The following CELF2 variants were observed in gnomAD, a reference collection of about 807,000 sequenced individuals.
CELF2 encodes CUG triplet repeat RNA-binding protein 2.
In CELF2, 8 loss-of-function variants were observed where a neutral mutation model predicts 62.6. The observed-to-expected ratio is 0.13, with a 90% CI of 0.07 to 0.23. The LOEUF (loss-of-function observed/expected upper bound fraction) is 0.23, where lower values mean the gene tolerates loss of function less well. CELF2 is among the 10% of genes least tolerant of loss of function. CELF2 has a pLI of 1.00. For synonymous variants in CELF2, 258 were observed against 250.0 expected, an observed-to-expected ratio of 1.03 and a Z score of -0.30; for missense variants, 333 against 671.0, an observed-to-expected ratio of 0.50 and a Z score of 5.56.
intron 2 of CELF2, among the ~76,000 whole-genome samples, chr10:10,921,338 C>T (rs373525135): frequency 5.1e-4 from 77 of 151,468 alleles, no homozygotes; most frequent in African/African-American, 1.7e-3. Flanking sequence ...GGCACGATCT[C>T]GGCTCACTGC....
chr10:10,796,605 A>C (rs1463181893), upstream of CELF2, among the ~76,000 whole-genome samples: 1 of 152,200 alleles, frequency 6.6e-6, no homozygotes, highest in African/African-American at 2.4e-5. Flanking sequence ...GCCGTGGGCT[A>C]AGGATGAGGA....
chr10:10,656,918 T>TA, the CELF2 span, among the ~76,000 whole-genome samples: 187 of 124,938 alleles, frequency 1.5e-3, no homozygotes, highest in East Asian at 1.8e-3. Flanking sequence ...GTAGAATCAA[T>TA]AAAAAAAAAA....
At chr10:10,717,789 G>A in the CELF2 span, among the ~76,000 whole-genome samples, 8 of 152,142 alleles carry the variant, frequency 5.3e-5, no homozygotes, top group Admixed American at 5.2e-4. Flanking sequence ...AATGTATTCT[G>A]CCCGGAATAC....
At chr10:10,579,579 G>A in the CELF2 span, among the ~76,000 whole-genome samples, 4 of 152,182 alleles carry the variant, frequency 2.6e-5, no homozygotes, top group Middle Eastern at 0.01. Flanking sequence ...ATACATATTT[G>A]TGGCCTAAAA....
Position 11,152,888 on chromosome 10 carries a change from T to C in CELF2, c.75-12598T>C, listed in dbSNP as rs2063599071. Among the ~76,000 whole-genome samples the C allele has an allele frequency of 2.0e-5, 3 of 152,312 alleles. No homozygotes were observed. In the South Asian group the frequency reaches 6.2e-4, roughly 32 times the overall value. On this transcript the variant is annotated intron_variant, in intron 1 of 12. Transcript: ENST00000633077. ...ATTAGAGTTATCCAGCACCCCAGCA[T>C]CGAGGGAGGTGGTGGGCTCCATCAA...
At chr10:10,974,322 A>C (rs180712822) in intron 2 of CELF2, among the ~76,000 whole-genome samples, 55 of 152,338 alleles carry the variant, frequency 3.6e-4, no homozygotes, top group African/African-American at 1.3e-3. Flanking sequence ...TTATCTCACC[A>C]AAAGATTCTC....
chr10:11,228,485 A>G (rs951394947), intron 3 of CELF2, among the ~76,000 whole-genome samples: 1 of 152,210 alleles, frequency 6.6e-6, no homozygotes, highest in African/African-American at 2.4e-5. Flanking sequence ...ATGGGTAATA[A>G]TCTACCTATT....
chr10:10,517,932 T>TG, the CELF2 span, among the ~76,000 whole-genome samples: 1 of 152,216 alleles, frequency 6.6e-6, no homozygotes, highest in Admixed American at 6.5e-5. Flanking sequence ...CTCCCACACC[T>TG]GGGGCTTGCC....
chr10:11,115,595 T>G (rs902576666), intron 1 of CELF2, among the ~76,000 whole-genome samples: 1 of 152,198 alleles, frequency 6.6e-6, no homozygotes, highest in Admixed American at 6.5e-5. Context: ...GCAGCAGTAT[T>G]TTTAGAGAAG....
the CELF2 span, among the ~76,000 whole-genome samples, chr10:10,611,462 A>G: frequency 6.6e-6 from 1 of 152,174 alleles, no homozygotes; most frequent in Non-Finnish European, 1.5e-5. Context: ...TCCTTTTTGC[A>G]TTAGTAATGC....
the CELF2 span, among the ~76,000 whole-genome samples, chr10:10,556,683 C>T: frequency 6.6e-6 from 1 of 152,110 alleles, no homozygotes; most frequent in Non-Finnish European, 1.5e-5. Flanking sequence ...TCCACATCCT[C>T]TCCAACACCT....
At chr10:10,702,644 G>A in the CELF2 span, among the ~76,000 whole-genome samples, 1 of 152,204 alleles carries the variant, frequency 6.6e-6, no homozygotes, top group Non-Finnish European at 1.5e-5. Context: ...GAGTACCATG[G>A]CACAATCCTG....
chr10:10,596,595 T>C, the CELF2 span, among the ~76,000 whole-genome samples: 5 of 152,284 alleles, frequency 3.3e-5, no homozygotes, highest in Admixed American at 2.6e-4. Flanking sequence ...AGGATGGAGT[T>C]TGTGGTCTTC....
intron 3 of CELF2, among the ~76,000 whole-genome samples, chr10:11,232,619 T>G (rs1201346415): frequency 6.6e-6 from 1 of 152,028 alleles, no homozygotes; most frequent in Non-Finnish European, 1.5e-5. Flanking sequence ...TCTTTGTAGC[T>G]CCTCCTGAGA....
chr10:10,630,321 A>G, the CELF2 span, among the ~76,000 whole-genome samples: 20 of 152,162 alleles, frequency 1.3e-4, 1 homozygote, highest in Admixed American at 1.1e-3. Context: ...ACAGTCCACA[A>G]TCTTTACTGA....
the CELF2 span, among the ~76,000 whole-genome samples, chr10:10,568,472 A>G: frequency 6.6e-6 from 1 of 152,166 alleles, no homozygotes; most frequent in Non-Finnish European, 1.5e-5. Context: ...TGCAGACTTG[A>G]GTCCTTGTGA....
At chr10:11,232,717 A>T (rs571858133) in intron 3 of CELF2, among the ~76,000 whole-genome samples, 1 of 152,176 alleles carries the variant, frequency 6.6e-6, no homozygotes, top group Non-Finnish European at 1.5e-5. Context: ...TCTGCTTCAG[A>T]GGAGTTAGCC....
the CELF2 span, among the ~76,000 whole-genome samples, chr10:10,558,843 C>T: frequency 2.0e-5 from 3 of 152,142 alleles, no homozygotes; most frequent in Non-Finnish European, 4.4e-5. Flanking sequence ...ATAGTATTCT[C>T]TGATGGTAGT....
At chr10:10,652,928 G>C in the CELF2 span, among the ~76,000 whole-genome samples, 1 of 152,114 alleles carries the variant, frequency 6.6e-6, no homozygotes, top group African/African-American at 2.4e-5. Context: ...TGGCAAATTG[G>C]ATAAAGAGTC....
Sources: gnomAD v4.1 joint callset for allele counts (sites outside exome capture counted in the v4.1 genomes callset) on GRCh38, gnomAD v4.1.1 for gene constraint, MANE v1.5 for transcripts, NCBI Gene and HGNC (gene_info 2026-07-23, HGNC 2026-07-21) for gene names.